Variants in MAD1L1 observed in about 807,000 individuals in gnomAD.
MAD1L1 encodes the protein mitotic spindle assembly checkpoint protein MAD1.
Under a neutral mutation model 96.9 loss-of-function variants are expected in MAD1L1, and 95 were observed. The ratio of observed to expected loss-of-function variants is 0.98; its 90% CI spans 0.83 to 1.16. The LOEUF (loss-of-function observed/expected upper bound fraction) is 1.16, where lower values mean the gene tolerates loss of function less well. Ranked by LOEUF, MAD1L1 falls within the 50% of genes most tolerant of loss-of-function variation. MAD1L1 has a pLI of 0.00. For synonymous variants in MAD1L1, 473 were observed against 396.6 expected (o/e 1.19, Z -2.29); for missense variants, 1,007 against 954.4 (o/e 1.06, Z -0.73).
In MAD1L1 at chr7:2,208,212, TGGCTCACTGCTA is replaced by T. The variant is rs138945933; in HGVS notation, c.986+4988_986+4999del. On this transcript the variant is annotated intron_variant, in intron 10 of 18. Coordinates refer to ENST00000265854, the MANE Select transcript of MAD1L1 (RefSeq NM_001013836.2). ...CATCATACATGGTATGTACCTCGAG[TGGCTCACTGCTA>T]GTATACAGAAACATAACCCATTTTG... Among the ~76,000 whole-genome samples the T allele has an allele frequency of 2.2e-4, 34 of 152,304 alleles. No individual in the cohort carries two copies. In the East Asian group the frequency reaches 6.5e-3, roughly 29 times the overall value.
Position 1,828,572 on chromosome 7 carries a change from G to A in MAD1L1, c.1999-12344C>T, listed in dbSNP as rs1366275061. ...AGATGGACACCCCGCAGCAAGGGGC[G>A]GTGTGAGCCCCAGACAGACGCTGCC... is the stretch of plus-strand genomic sequence containing the variant. On this transcript the variant is annotated intron_variant, in intron 18 of 18. Coordinates refer to ENST00000265854, the MANE Select transcript of MAD1L1 (RefSeq NM_001013836.2). Among the ~76,000 whole-genome samples, 6 of 152,208 alleles carry A rather than the reference G, an allele frequency of 3.9e-5. No individual in the cohort carries two copies. In the South Asian group the frequency reaches 6.2e-4, roughly 16 times the overall value.
intron 15 of MAD1L1, among the ~76,000 whole-genome samples, chr7:1,958,851 G>A (rs1671740238): frequency 6.6e-6 from 1 of 152,306 alleles, no homozygotes; most frequent in Admixed American, 6.5e-5. Context: ...AGGTAGAAGT[G>A]GAAACTACCT....
At chr7:2,217,872 G>T in intron 7 of MAD1L1, 90 bp downstream of exon 7, 3 of 1,085,486 alleles carry the variant, frequency 2.8e-6, no homozygotes, top group Non-Finnish European at 4.3e-6. Flanking sequence ...GGACCACGGA[G>T]CTCGGCACCA....
chr7:1,845,342 C>G (rs1472724579), intron 18 of MAD1L1: 1 of 152,316 alleles, frequency 6.6e-6, no homozygotes, highest in East Asian at 1.9e-4. Context: ...TGTGTTACAG[C>G]CCTTGCCACC....
At chr7:2,169,708 A>G (rs115918508) in intron 10 of MAD1L1, among the ~76,000 whole-genome samples, 2,285 of 141,230 alleles carry the variant, frequency 0.016, 91 homozygotes, top group African/African-American at 0.062. Flanking sequence ...CATGGAGCAG[A>G]GGCTGGACCA....
intron 14 of MAD1L1, among the ~76,000 whole-genome samples, chr7:2,000,920 C>T (rs73043514): frequency 0.037 from 5,614 of 152,312 alleles, 200 homozygotes; most frequent in Admixed American, 0.1. Context: ...AGACAGCCCT[C>T]GCCCATTCCC....
intron 14 of MAD1L1, among the ~76,000 whole-genome samples, chr7:2,001,153 C>A (rs555985028): frequency 2.0e-5 from 3 of 152,384 alleles, no homozygotes; most frequent in Admixed American, 1.3e-4. Flanking sequence ...CAGTCACGAG[C>A]TGGCAAGCAA....
rs149271413 is a variant in MAD1L1, at chr7:2,050,271, C to T, written c.1218+18923G>A. On this transcript the variant is annotated intron_variant, in intron 12 of 18. Transcript: ENST00000265854. ...GCCCCTTCCACCTGTTGCACTCCTA[C>T]GAGAGCTAAGCCAGGTATGAGGCCA... 3.3e-3 allele frequency among the ~76,000 whole-genome samples: 501 copies of T among 152,344 alleles called. 2 individuals carry two copies. Among genetic ancestry groups the T allele is most frequent in the Non-Finnish European group, 5.1e-3 (350 of 68,024 alleles).
intron 15 of MAD1L1, among the ~76,000 whole-genome samples, chr7:1,971,098 A>G (rs1178962622): frequency 1.3e-5 from 2 of 151,862 alleles, no homozygotes; most frequent in African/African-American, 4.8e-5. Context: ...GTTCCACCTC[A>G]ATACAGTGAA....
At chr7:2,189,991 G>GA (rs1320621084) in intron 10 of MAD1L1, among the ~76,000 whole-genome samples, 19 of 152,106 alleles carry the variant, frequency 1.2e-4, no homozygotes, top group African/African-American at 4.6e-4. Context: ...AGGTCCCAGT[G>GA]AGTGCACTAA....
intron 12 of MAD1L1, among the ~76,000 whole-genome samples, chr7:2,050,375 A>C (rs1784116891): frequency 3.3e-5 from 5 of 152,192 alleles, no homozygotes; most frequent in African/African-American, 1.2e-4. Flanking sequence ...CCTCAGACCC[A>C]TGTCCACACC....
Position 2,203,774 on chromosome 7 carries a change from C to A in MAD1L1, c.986+9438G>T, listed in dbSNP as rs75167501. 2.9e-3 allele frequency among the ~76,000 whole-genome samples: 438 copies of A among 152,328 alleles called. 3 individuals are homozygous for A. Among genetic ancestry groups the A allele is most frequent in the Non-Finnish European group, 3.3e-3 (226 of 68,026 alleles). ...GGAGTACATAAAGAGCTTCTATGTA[C>A]ACACATTTCCAGAACGACACACAGG... On this transcript the variant is annotated intron_variant, in intron 10 of 18. Transcript: ENST00000265854.
At chr7:1,967,413 T>C (rs1188516073) in intron 15 of MAD1L1, among the ~76,000 whole-genome samples, 8 of 152,338 alleles carry the variant, frequency 5.3e-5, no homozygotes, top group Non-Finnish European at 1.0e-4. Context: ...ATTGCCATGA[T>C]GGTTTAGAAA....
rs144477225 is a variant in MAD1L1 at position 1,878,661 on chromosome 7, A to G, written c.1998+19539T>C. On this transcript the variant is annotated intron_variant, in intron 18 of 18. Transcript: ENST00000265854. ...GATAAATGGTATCTATGAAAAACTC[A>G]TATTTAACAGCATACTAATGTCAAA... is the stretch of plus-strand genomic sequence containing the variant. Among the ~76,000 whole-genome samples, 268 of 152,110 alleles carry G rather than the reference A, an allele frequency of 1.8e-3. 2 individuals carry two copies. The highest frequency in any genetic ancestry group is 6.0e-3 in the African/African-American group (249 of 41,476).
chr7:1,980,813 G>C, intron 14 of MAD1L1: 2 of 569,356 alleles, frequency 3.5e-6, no homozygotes, highest in East Asian at 4.1e-5. Context: ...GTGCATGTGA[G>C]AGTCTCTGGA....
At chr7:1,902,040 G>A (rs1002190624) in intron 17 of MAD1L1, among the ~76,000 whole-genome samples, 1 of 152,200 alleles carries the variant, frequency 6.6e-6, no homozygotes, top group Non-Finnish European at 1.5e-5. Context: ...AACAGCAGGT[G>A]TTCAAGTGGG....
chr7:2,164,728 G>A (rs1438603344), intron 10 of MAD1L1, among the ~76,000 whole-genome samples: 2 of 152,196 alleles, frequency 1.3e-5, no homozygotes, highest in African/African-American at 2.4e-5. Flanking sequence ...GATGCCTGCA[G>A]AATCTGCATC....
chr7:2,047,153 C>T (rs1175914914), intron 12 of MAD1L1, among the ~76,000 whole-genome samples: 3 of 152,200 alleles, frequency 2.0e-5, no homozygotes, highest in South Asian at 2.1e-4. Flanking sequence ...GTCTTTCCTC[C>T]GTTCACCCCA....
chr7:2,129,070 T>A (rs1365607337), intron 11 of MAD1L1, among the ~76,000 whole-genome samples: 1 of 151,988 alleles, frequency 6.6e-6, no homozygotes. Context: ...CAAAATTGGG[T>A]TTGTGGGCAG....
Sources: allele counts gnomAD v4.1 joint callset (sites outside exome capture counted in the v4.1 genomes callset), GRCh38; gene constraint gnomAD v4.1.1; transcripts MANE v1.5; gene names NCBI Gene and HGNC (gene_info 2026-07-23, HGNC 2026-07-21).